Variants in ATP9B observed in about 807,000 individuals in gnomAD.
The protein encoded by ATP9B is probable phospholipid-transporting ATPase IIB.
ATP9B carries 110 observed loss-of-function variants against 146.1 expected under a neutral mutation model. That is an observed-to-expected ratio of 0.75 (90% CI 0.65 to 0.88). ATP9B has a LOEUF of 0.88. Among genes scored for constraint, ATP9B ranks in the 40% least tolerant of loss-of-function variants. The probability of loss-of-function intolerance (pLI) is 0.00; values close to 1 mark genes in which losing one functional copy is unlikely to be tolerated. For synonymous variants in ATP9B, 604 were observed against 569.7 expected (o/e 1.06, Z -0.86); for missense variants, 1,499 against 1,496.4 (o/e 1.00, Z -0.03).
chr18:79,232,126 G>A (rs1172715874), intron 11 of ATP9B, among the ~76,000 whole-genome samples: 1 of 152,014 alleles, frequency 6.6e-6, no homozygotes, highest in African/African-American at 2.4e-5. Context: ...ACCTTACCAG[G>A]TCTGTCCCAC....
rs1453683891 is a variant in ATP9B at position 79,239,213 on chromosome 18, G to A, written c.1108-14168G>A. Among the ~76,000 whole-genome samples, 1 of 152,184 alleles carries A rather than the reference G, an allele frequency of 6.6e-6. No individual in the cohort carries two copies. The highest frequency in any genetic ancestry group is 2.4e-5 in the African/African-American group (1 of 41,430). ...AAGCATGCAGGGAGGTGTCTGGGGC[G>A]AGACAGGGCCTGGCCCTGGTGGACT... On this transcript the variant is annotated intron_variant, in intron 11 of 29. Transcript: ENST00000426216. This position sits in a 1 kb window ranked among gnomAD's most constrained non-coding sequence, Gnocchi z 5.1.
At chr18:79,141,292 T>C (rs2094510799) in intron 5 of ATP9B, among the ~76,000 whole-genome samples, 1 of 152,196 alleles carries the variant, frequency 6.6e-6, no homozygotes, top group Non-Finnish European at 1.5e-5. Flanking sequence ...GATTGTAAGT[T>C]TTCCAAGGCC....
intron 19 of ATP9B, among the ~76,000 whole-genome samples, chr18:79,342,022 C>G (rs1228682726): frequency 1.3e-5 from 2 of 152,212 alleles, no homozygotes; most frequent in Non-Finnish European, 2.9e-5. Context: ...CCTTTTGTGA[C>G]TGGCTTCTTT....
intron 12 of ATP9B, among the ~76,000 whole-genome samples, chr18:79,255,448 A>C (rs536454465): frequency 3.9e-5 from 6 of 152,184 alleles, no homozygotes; most frequent in Non-Finnish European, 8.8e-5. Context: ...ACTCCCCAAG[A>C]GTCTCCTTTG....
Position 79,345,475 on chromosome 18 carries a change from G to C in ATP9B, c.2520G>C (p.Gln840His). 3.1e-6 allele frequency: 5 copies of C among 1,613,914 alleles called. No homozygotes were observed. The highest frequency in any genetic ancestry group is 4.2e-6 in the Non-Finnish European group (5 of 1,180,044). ...YEHEFVELACQCPAVVCCRCS... is the reference protein window; with the variant it reads ...YEHEFVELACHCPAVVCCRCS... ...ATGAATTTGTGGAGCTGGCCTGCCA[G>C]TGCCCTGCCGTGGTTTGCTGCCGCT... is the stretch of plus-strand genomic sequence containing the variant. The change falls in exon 22 of 30, where the codon CAG becomes CAC. Residue 840 changes from glutamine (Q) to histidine (H), a missense_variant. Gln to His is a conservative substitution (Grantham distance 24). Coordinates refer to ENST00000426216, the MANE Select transcript of ATP9B (RefSeq NM_198531.5).
chr18:79,204,290 C>G (rs1490418178), intron 9 of ATP9B, among the ~76,000 whole-genome samples: 2 of 152,164 alleles, frequency 1.3e-5, no homozygotes, highest in East Asian at 3.8e-4. Context: ...TGTGCAGGAG[C>G]TTAATTTCAT....
At chr18:79,375,926 C>G in intron 29 of ATP9B, 1 of 985,362 alleles carries the variant, frequency 1.0e-6, no homozygotes. Context: ...ATGTAAATCT[C>G]CAGTTTCTCA....
intron 25 of ATP9B, among the ~76,000 whole-genome samples, chr18:79,351,520 T>C (rs1162741804): frequency 3.9e-5 from 6 of 152,206 alleles, no homozygotes; most frequent in Non-Finnish European, 7.3e-5. Context: ...AGGAAATAAA[T>C]ACCAAGAATT....
intron 5 of ATP9B, among the ~76,000 whole-genome samples, chr18:79,136,146 A>G (rs2094444933): frequency 6.6e-6 from 1 of 152,210 alleles, no homozygotes; most frequent in African/African-American, 2.4e-5. Flanking sequence ...TATTAATACA[A>G]CTAATTAATA....
chr18:79,188,489 G>C (rs1394974507), intron 8 of ATP9B, among the ~76,000 whole-genome samples: 2 of 152,096 alleles, frequency 1.3e-5, no homozygotes, highest in Admixed American at 6.5e-5. Flanking sequence ...ACTCTCCTTT[G>C]ATTTCTGATC....
At chr18:79,296,714 G>A (rs965300490) in intron 13 of ATP9B, among the ~76,000 whole-genome samples, 4 of 152,132 alleles carry the variant, frequency 2.6e-5, no homozygotes, top group Admixed American at 2.0e-4. Context: ...AATTAGGCTC[G>A]TTATCATTAT....
intron 13 of ATP9B, among the ~76,000 whole-genome samples, chr18:79,289,513 C>T (rs1007581164): frequency 6.6e-6 from 1 of 152,170 alleles, no homozygotes; most frequent in Non-Finnish European, 1.5e-5. Context: ...GTTATACATT[C>T]GTCTAAATTT....
At chr18:79,373,381 G>A (rs1183327756) in intron 27 of ATP9B, among the ~76,000 whole-genome samples, 3 of 151,978 alleles carry the variant, frequency 2.0e-5, no homozygotes, top group Non-Finnish European at 2.9e-5. Context: ...TGTCTGCCTC[G>A]ATTTGCCATT....
intron 11 of ATP9B, among the ~76,000 whole-genome samples, chr18:79,218,958 C>T (rs368455021): frequency 3.3e-5 from 5 of 151,838 alleles, no homozygotes; most frequent in East Asian, 1.9e-4. Flanking sequence ...ACACAGTGTA[C>T]GAAAAAGAGG....
At chr18:79,113,754 G>A (rs1324567771) in intron 4 of ATP9B, among the ~76,000 whole-genome samples, 1 of 152,186 alleles carries the variant, frequency 6.6e-6, no homozygotes, top group African/African-American at 2.4e-5. Context: ...AAGTATCCAA[G>A]TGCAGTACGT....
At chr18:79,069,550 C>G in intron 1 of ATP9B, 21 bp downstream of exon 1, 1 of 1,258,654 alleles carries the variant, frequency 7.9e-7, no homozygotes, top group Non-Finnish European at 1.0e-6. Flanking sequence ...CGGCACTGGC[C>G]CCGTTCCCCG....
Position 79,193,182 on chromosome 18 carries a change from G to A in ATP9B, c.874-1G>A, listed in dbSNP as rs1322798206. On this transcript the variant is annotated splice_acceptor_variant, in intron 8 of 29. Coordinates refer to ENST00000426216, the MANE Select transcript of ATP9B (RefSeq NM_198531.5). LOFTEE classifies it high-confidence loss of function. ...ATCGATTCAAATGTTCTGTATTCCA[G>A]GACCTTTTTTCTATCAGTGCTTATG... 6.3e-7 allele frequency: 1 copy of A among 1,594,686 alleles called. No homozygotes were observed. Among genetic ancestry groups the A allele is most frequent in the Admixed American group, 1.7e-5 (1 of 59,354 alleles).
At chr18:79,094,594 CAAA>C (rs2074629057) in intron 1 of ATP9B, among the ~76,000 whole-genome samples, 1 of 151,888 alleles carries the variant, frequency 6.6e-6, no homozygotes, top group Non-Finnish European at 1.5e-5. Flanking sequence ...CTAGGAGAAA[CAAA>C]AAGGAAAAAA....
At chr18:79,296,497 A>G (rs2096548813) in intron 13 of ATP9B, among the ~76,000 whole-genome samples, 1 of 152,232 alleles carries the variant, frequency 6.6e-6, no homozygotes, top group South Asian at 2.1e-4. Context: ...TAACGAGGTA[A>G]AAAACAGATT....
Sources: allele counts gnomAD v4.1 joint callset (sites outside exome capture counted in the v4.1 genomes callset), GRCh38; gene constraint gnomAD v4.1.1; non-coding constraint Gnocchi (gnomAD v3.1); transcripts MANE v1.5; gene names NCBI Gene and HGNC (gene_info 2026-07-23, HGNC 2026-07-21).